Variants in FGF2 observed in about 807,000 individuals in gnomAD.
The protein encoded by FGF2 is fibroblast growth factor 2.
A neutral mutation model predicts 15.9 loss-of-function variants in FGF2; 13 were observed. The observed-to-expected ratio is 0.82, with a 90% CI of 0.53 to 1.30. FGF2 has a LOEUF of 1.30. Among genes scored for constraint, FGF2 ranks in the 50% most tolerant of loss-of-function variants. FGF2 has a pLI of 0.00. For synonymous variants in FGF2, 90 were observed against 78.4 expected (o/e 1.15, Z -0.78); for missense variants, 163 against 196.9 (o/e 0.83, Z 1.03).
At chr4:122,883,052 G>T (rs1211529293) in intron 2 of FGF2, 1 of 152,208 alleles carries the variant, frequency 6.6e-6, no homozygotes, top group Non-Finnish European at 1.5e-5. Context: ...GGATGCAGAT[G>T]TGCCTCGTAA....
rs1275957204 is a variant in FGF2, at chr4:122,827,966, A to C, written c.178+614A>C. 6.6e-6 allele frequency among the ~76,000 whole-genome samples: 1 copy of C among 152,260 alleles called. No individual in the cohort carries two copies. Among genetic ancestry groups the C allele is most frequent in the Non-Finnish European group, 1.5e-5 (1 of 68,046 alleles). ...TAATAAAGTGCCATAGCTTTGTTTC[A>C]GTAGTGAAAAGAAGTGCAAACACTT... On this transcript the variant is annotated intron_variant, in intron 1 of 2. Coordinates refer to ENST00000644866, the MANE Select transcript of FGF2 (RefSeq NM_001361665.2). This position sits in a 1 kb window ranked among gnomAD's most constrained non-coding sequence, Gnocchi z 4.2.
intron 1 of FGF2, among the ~76,000 whole-genome samples, chr4:122,845,437 CCT>C (rs376553799): frequency 2.6e-5 from 4 of 152,322 alleles, no homozygotes; most frequent in African/African-American, 9.6e-5. Context: ...GTTGACTTCT[CCT>C]CTCTAGCTGT....
chr4:122,862,911 T>G (rs1560748465), intron 1 of FGF2, among the ~76,000 whole-genome samples: 1 of 152,216 alleles, frequency 6.6e-6, no homozygotes, highest in Non-Finnish European at 1.5e-5. Context: ...TTGACTTCCA[T>G]GCATCCAAAA....
At chr4:122,848,526 G>A (rs1245527019) in intron 1 of FGF2, among the ~76,000 whole-genome samples, 1 of 152,116 alleles carries the variant, frequency 6.6e-6, no homozygotes, top group Non-Finnish European at 1.5e-5. Context: ...TTGCTGCTGG[G>A]CCTGTTGTCT....
In FGF2 at chr4:122,892,145, T is replaced by C; in HGVS notation, c.283-66T>C. ...AATAGGCATTATACTATCATAAATA[T>C]TTAATATGAAAAGTGTAATAATAAT... On this transcript the variant is annotated intron_variant, in intron 2 of 2. Coordinates refer to ENST00000644866, the MANE Select transcript of FGF2 (RefSeq NM_001361665.2). The C allele has an allele frequency of 3.0e-6, 4 of 1,321,286 alleles. No homozygotes were observed. In the South Asian group the frequency reaches 4.9e-5, roughly 16 times the overall value. 81.8% of individuals were successfully genotyped at this position (1,321,286 alleles called of 1,614,324 possible). A position where few individuals can be genotyped will look rare whatever the true frequency, so the allele number is the denominator to read the frequency against.
At chr4:122,855,523 A>G (rs1486242242) in intron 1 of FGF2, among the ~76,000 whole-genome samples, 1 of 152,188 alleles carries the variant, frequency 6.6e-6, no homozygotes, top group Admixed American at 6.5e-5. Context: ...CTTGTTCCAT[A>G]TGAAGATACT....
chr4:122,887,412 T>G (rs1727081053), intron 2 of FGF2, among the ~76,000 whole-genome samples: 2 of 152,014 alleles, frequency 1.3e-5, no homozygotes, highest in Admixed American at 6.5e-5. Context: ...ATTTTAGCAG[T>G]CCCCCCCACT....
chr4:122,851,136 C>T (rs1726223688), intron 1 of FGF2, among the ~76,000 whole-genome samples: 1 of 152,062 alleles, frequency 6.6e-6, no homozygotes, highest in South Asian at 2.1e-4. Context: ...TGTTGGATGG[C>T]AAATGAAGAG....
chr4:122,861,034 A>G (rs1267553082), intron 1 of FGF2, among the ~76,000 whole-genome samples: 2 of 152,172 alleles, frequency 1.3e-5, no homozygotes, highest in Non-Finnish European at 2.9e-5. Context: ...ATCTTCCTGC[A>G]CTAGCTCGTA....
chr4:122,861,833 T>C (rs1286696982), intron 1 of FGF2, among the ~76,000 whole-genome samples: 2 of 152,078 alleles, frequency 1.3e-5, no homozygotes, highest in African/African-American at 2.4e-5. Context: ...TTTCTCTCCC[T>C]TTCTCCTTTG....
intron 1 of FGF2, among the ~76,000 whole-genome samples, chr4:122,837,453 T>C (rs1350080891): frequency 6.6e-6 from 1 of 152,240 alleles, no homozygotes; most frequent in African/African-American, 2.4e-5. Context: ...GCTTTTGAAT[T>C]AGAAATGCAA....
At chr4:122,891,588 T>C (rs1207088581) in intron 2 of FGF2, among the ~76,000 whole-genome samples, 2 of 152,236 alleles carry the variant, frequency 1.3e-5, no homozygotes, top group African/African-American at 4.8e-5. Context: ...CAATATTATT[T>C]TTGGCATTAT....
chr4:122,849,734 G>T (rs1726189551), intron 1 of FGF2, among the ~76,000 whole-genome samples: 1 of 152,180 alleles, frequency 6.6e-6, no homozygotes, highest in African/African-American at 2.4e-5. Flanking sequence ...TTTGAAGTAG[G>T]AGGGAATGCT....
chr4:122,896,658 T>C lies in FGF2; in HGVS notation c.*4262T>C, dbSNP rs1727365344. 1.3e-5 allele frequency: 2 copies of C among 152,226 alleles called. No homozygotes were observed. Among genetic ancestry groups the C allele is most frequent in the Admixed American group, 6.5e-5 (1 of 15,280 alleles). 9.4% of individuals were successfully genotyped at this position (152,226 alleles called of 1,614,324 possible). ...CTGAAACCAAGATTGGCTAGAGATA[T>C]ATCTTAATGCAATCCATTTTCTGAT... is the stretch of plus-strand genomic sequence containing the variant. On this transcript the variant is annotated 3_prime_UTR_variant, in exon 3 of 3. Coordinates refer to ENST00000644866, the MANE Select transcript of FGF2 (RefSeq NM_001361665.2).
chr4:122,829,651 T>C (rs1725718650), intron 1 of FGF2, among the ~76,000 whole-genome samples: 1 of 152,142 alleles, frequency 6.6e-6, no homozygotes, highest in Admixed American at 6.5e-5. Context: ...GTTGCACCCA[T>C]CACCCAAGCA....
intron 1 of FGF2, among the ~76,000 whole-genome samples, chr4:122,834,310 T>C (rs1158369025): frequency 6.6e-6 from 1 of 152,248 alleles, no homozygotes; most frequent in Non-Finnish European, 1.5e-5. Context: ...CACTATGCAA[T>C]ATAAAACTTT....
intron 1 of FGF2, among the ~76,000 whole-genome samples, chr4:122,852,935 T>G (rs949647037): frequency 4.1e-5 from 6 of 147,478 alleles, no homozygotes; most frequent in African/African-American, 1.5e-4. Context: ...CCAGATTGCA[T>G]TAAACCTAAC....
At chr4:122,836,450 C>T (rs1370724148) in intron 1 of FGF2, among the ~76,000 whole-genome samples, 1 of 152,168 alleles carries the variant, frequency 6.6e-6, no homozygotes, top group Non-Finnish European at 1.5e-5. Flanking sequence ...CTTTCCTTTT[C>T]TGTGTGCTAT....
chr4:122,844,613 T>TCCTTCCTTCCTTCCTTCCTTCCTTCCTA (rs1726070152), intron 1 of FGF2, among the ~76,000 whole-genome samples: 1 of 150,138 alleles, frequency 6.7e-6, no homozygotes, highest in African/African-American at 2.5e-5. Context: ...CTTCCTTCCT[T>TCCTTCCTTCCTTCCTTCCTTCCTTCCTA]CCTTTCTTTC....
Sources: allele counts gnomAD v4.1 joint callset (sites outside exome capture counted in the v4.1 genomes callset), GRCh38; gene constraint gnomAD v4.1.1; non-coding constraint Gnocchi (gnomAD v3.1); transcripts MANE v1.5; gene names NCBI Gene and HGNC (gene_info 2026-07-23, HGNC 2026-07-21).